ERI1: variants seen among roughly 807,000 people sequenced by gnomAD.
The protein encoded by ERI1 is 3'-5' exoribonuclease 1.
In ERI1, 39 loss-of-function variants were observed where a neutral mutation model predicts 39.7. The observed-to-expected ratio is 0.98, with a 90% CI of 0.76 to 1.28. ERI1 has a LOEUF of 1.28. Among genes scored for constraint, ERI1 ranks in the 50% most tolerant of loss-of-function variants. The pLI is 0.00. For missense variants in ERI1, 581 were observed against 416.9 expected, an observed-to-expected ratio of 1.39 and a Z score of -3.43; for synonymous variants, 204 against 149.6, an observed-to-expected ratio of 1.36 and a Z score of -2.65.
rs931008390 is a variant in ERI1, at chr8:9,003,088, C to T, written c.25C>T (p.Pro9Ser). The T allele has an allele frequency of 4.8e-6, 6 of 1,248,228 alleles. No individual in the cohort carries two copies. The highest frequency in any genetic ancestry group is 5.1e-6 in the Non-Finnish European group (5 of 989,246). 77.3% of individuals were successfully genotyped at this position (1,248,228 alleles called of 1,614,324 possible). A position where few individuals can be genotyped will look rare whatever the true frequency, so the allele number is the denominator to read the frequency against. Residue 9 changes from proline (P) to serine (S), a missense_variant, in exon 1 of 7, where the codon CCT becomes TCT. Pro to Ser is a moderately conservative substitution (Grantham distance 74). Coordinates refer to ENST00000250263, the MANE Select transcript of ERI1 (RefSeq NM_153332.4). ...CATGGAGGATCCACAGAGTAAAGAG[C>T]CTGCCGGCGAGGCCGTGGCTCTCGC... MEDPQSKEPAGEAVALALL... is the reference protein window; with the variant it reads MEDPQSKESAGEAVALALL...
intron 3 of ERI1, among the ~76,000 whole-genome samples, chr8:9,067,364 C>A (rs1342893791): frequency 7.0e-6 from 1 of 142,098 alleles, no homozygotes; most frequent in Non-Finnish European, 1.5e-5. Flanking sequence ...GATGGGATTT[C>A]ATTTTTAACC....
Position 9,041,980 on chromosome 8 carries a change from C to A in ERI1, n.299+21516C>A, listed in dbSNP as rs1028153404. Reference sequence around the variant, plus strand: ...AACTCCTGACCTTGGGTGATCCTCCCACCTTGGCCTCCCAAAGTGCTGGGA... The same window carrying A: ...AACTCCTGACCTTGGGTGATCCTCCAACCTTGGCCTCCCAAAGTGCTGGGA... On this transcript the variant is annotated intron_variant and non_coding_transcript_variant, in intron 3 of 3. Transcript: ENST00000518663. Among the ~76,000 whole-genome samples the A allele has an allele frequency of 3.3e-5, 5 of 152,312 alleles. 1 individual carries two copies. The highest frequency in any genetic ancestry group is 3.3e-4 in the Admixed American group (5 of 15,298).
At chr8:9,004,763 T>G (rs1815798126) in intron 1 of ERI1, among the ~76,000 whole-genome samples, 2 of 38 alleles carry the variant, frequency 0.053, no homozygotes, top group African/African-American at 0.25. Flanking sequence ...CTCAGCTTAC[T>G]GCAACCTCCC....
chr8:9,035,573 CTG>C, downstream of ERI1, among the ~76,000 whole-genome samples: 1 of 152,220 alleles, frequency 6.6e-6, no homozygotes, highest in African/African-American at 2.4e-5. Flanking sequence ...AAAAAAAAAT[CTG>C]TTCAAAATAT....
rs1003377287 is a variant in ERI1 at position 9,073,255 on chromosome 8, G to T, written n.300-43093G>T. 5.3e-5 allele frequency among the ~76,000 whole-genome samples: 8 copies of T among 152,182 alleles called. No homozygotes were observed. The East Asian group carries it at 1.3e-3, about 26-fold the overall frequency. The stretch of plus-strand genomic sequence containing the variant: ...AAGGCAGTATCTTAACCACCACATA[G>T]TAGCATTAATCTGTCACATCGTCCC... On this transcript the variant is annotated intron_variant and non_coding_transcript_variant, in intron 3 of 3. Transcript: ENST00000518663.
intron 6 of ERI1, among the ~76,000 whole-genome samples, chr8:9,025,511 C>T: frequency 6.6e-6 from 1 of 152,230 alleles, no homozygotes; most frequent in East Asian, 1.9e-4. Flanking sequence ...TCCTCTTGTT[C>T]ACCTTTCAAC....
chr8:9,024,556 G>A (rs577256196), intron 6 of ERI1, among the ~76,000 whole-genome samples: 1 of 152,194 alleles, frequency 6.6e-6, no homozygotes, highest in African/African-American at 2.4e-5. Flanking sequence ...AAGTAGCTGA[G>A]ATTACAGGTG....
At chr8:9,003,592 C>G (rs1052258250) in intron 1 of ERI1, among the ~76,000 whole-genome samples, 1 of 152,202 alleles carries the variant, frequency 6.6e-6, no homozygotes, top group Admixed American at 6.5e-5. Flanking sequence ...TTAAAAAGCA[C>G]TCACCAGCAT....
chr8:9,040,252 A>G (rs1797972945), intron 3 of ERI1, among the ~76,000 whole-genome samples: 2 of 152,190 alleles, frequency 1.3e-5, no homozygotes, highest in Non-Finnish European at 2.9e-5. Context: ...TCACTTTACC[A>G]CATATTCACA....
intron 3 of ERI1, among the ~76,000 whole-genome samples, chr8:9,080,945 G>C (rs1330112845): frequency 6.6e-6 from 1 of 152,180 alleles, no homozygotes; most frequent in Non-Finnish European, 1.5e-5. Flanking sequence ...GTCTCACACT[G>C]CTATAAGGAT....
rs1026227193 is a variant in ERI1 at position 9,031,257 on chromosome 8, A to G, written c.*1223A>G. ...TTTCCTCAAAGGTTTCCAAACCTATATCATATAGGGTGAAAAGCAGGAAAG... is the reference window on the plus strand; with the variant it reads ...TTTCCTCAAAGGTTTCCAAACCTATGTCATATAGGGTGAAAAGCAGGAAAG... On this transcript the variant is annotated 3_prime_UTR_variant, in exon 7 of 7. Coordinates refer to ENST00000250263, the MANE Select transcript of ERI1 (RefSeq NM_153332.4). 3 of 152,216 alleles carry G rather than the reference A, an allele frequency of 2.0e-5. No homozygotes were observed. Among genetic ancestry groups the G allele is most frequent in the Non-Finnish European group, 4.4e-5 (3 of 68,020 alleles). 9.4% of individuals were successfully genotyped at this position (152,216 alleles called of 1,614,324 possible).
chr8:9,036,749 T>C (rs1454161887), downstream of ERI1, among the ~76,000 whole-genome samples: 1 of 152,182 alleles, frequency 6.6e-6, no homozygotes, highest in African/African-American at 2.4e-5. Flanking sequence ...ATTTTCTGTT[T>C]GCTAATGTAG....
chr8:9,011,289 G>A (rs1204586581), intron 2 of ERI1, among the ~76,000 whole-genome samples: 1 of 152,116 alleles, frequency 6.6e-6, no homozygotes, highest in Non-Finnish European at 1.5e-5. Flanking sequence ...ATATGTTGGA[G>A]AAAATACTGT....
rs757102927 is a variant in ERI1 at position 9,011,603 on chromosome 8, C to T, written c.349C>T (p.Leu117=). The T allele has an allele frequency of 1.2e-6, 2 of 1,613,396 alleles. No individual in the cohort carries two copies. The highest frequency in any genetic ancestry group is 2.2e-5 in the South Asian group (2 of 91,016). The change falls in exon 3 of 7, where the codon CTG becomes TTG. Residue 117 remains leucine, a synonymous_variant. Coordinates refer to ENST00000250263, the MANE Select transcript of ERI1 (RefSeq NM_153332.4). ...KNYYKKQKLM[L]KESNFADSYY... ...CTATTATAAGAAGCAGAAGCTGATG[C>T]TGAAAGAGAGCAATTTTGCTGACAG... is the stretch of plus-strand genomic sequence containing the variant.
intron 6 of ERI1, among the ~76,000 whole-genome samples, chr8:9,022,216 T>A (rs1817984168): frequency 6.6e-6 from 1 of 152,192 alleles, no homozygotes; most frequent in South Asian, 2.1e-4. Context: ...TACCATCTCA[T>A]TGAGGTATCA....
At chr8:9,019,100 A>C (rs1817614790) in intron 5 of ERI1, among the ~76,000 whole-genome samples, 1 of 152,214 alleles carries the variant, frequency 6.6e-6, no homozygotes, top group African/African-American at 2.4e-5. Flanking sequence ...TGCTTACCTT[A>C]GTGCTGAGCT....
At chr8:9,022,159 A>G (rs987680608) in intron 6 of ERI1, among the ~76,000 whole-genome samples, 1 of 151,974 alleles carries the variant, frequency 6.6e-6, no homozygotes, top group Non-Finnish European at 1.5e-5. Flanking sequence ...CTAGCATCTG[A>G]TATTGTCATA....
At chr8:9,015,740 A>G (rs1015565353) in intron 3 of ERI1, among the ~76,000 whole-genome samples, 25 of 148,522 alleles carry the variant, frequency 1.7e-4, no homozygotes, top group East Asian at 3.9e-4. Flanking sequence ...AAAAAAAAAA[A>G]AGAGACCATC....
Position 9,046,407 on chromosome 8 carries a change from C to T in ERI1, n.299+25943C>T, listed in dbSNP as rs115864070. Reference sequence around the variant, plus strand: ...AGGCAGAGCAGCCCTGAGACCTCTGCAGTTCCTGAGGCCACACTGCACACG... The same window carrying T: ...AGGCAGAGCAGCCCTGAGACCTCTGTAGTTCCTGAGGCCACACTGCACACG... On this transcript the variant is annotated intron_variant and non_coding_transcript_variant, in intron 3 of 3. Transcript: ENST00000518663. 1.8e-3 allele frequency among the ~76,000 whole-genome samples: 279 copies of T among 152,290 alleles called. 1 individual carries two copies. The highest frequency in any genetic ancestry group is 6.4e-3 in the African/African-American group (266 of 41,576).
Sources: gnomAD v4.1 joint callset for allele counts (sites outside exome capture counted in the v4.1 genomes callset) on GRCh38, gnomAD v4.1.1 for gene constraint, MANE v1.5 for transcripts, NCBI Gene and HGNC (gene_info 2026-07-23, HGNC 2026-07-21) for gene names.